The following ZNF717 variants were observed in gnomAD, a reference collection of about 807,000 sequenced individuals.
The protein encoded by ZNF717 is krueppel-like factor X17.
ZNF717 carries 9 observed loss-of-function variants against 13.8 expected under a neutral mutation model. The observed-to-expected ratio is 0.65, with a 90% CI of 0.39 to 1.14. The LOEUF is 1.14. Ranked by LOEUF, ZNF717 falls within the 50% of genes most tolerant of loss-of-function variation. The pLI is 0.01. For synonymous variants in ZNF717, 327 were observed against 364.1 expected, an observed-to-expected ratio of 0.90 and a Z score of 1.16; for missense variants, 1,040 against 1,080.7, an observed-to-expected ratio of 0.96 and a Z score of 0.53.
intron 4 of ZNF717, chr3:75,716,576 C>A (rs11128475): frequency 0.32 from 49,356 of 152,028 alleles, 9,233 homozygotes; most frequent in Non-Finnish European, 0.43. Flanking sequence ...CAGGAAAAAA[C>A]AAGCTGTGAA....
At chr3:75,700,262 C>T (rs1387312535) in intron 6 of ZNF717, among the ~76,000 whole-genome samples, 10 of 152,284 alleles carry the variant, frequency 6.6e-5, no homozygotes, top group African/African-American at 2.2e-4. Context: ...GGTGTGGTGG[C>T]GGGTGCCTGT....
At chr3:75,730,861 A>G (rs1361938527) in intron 5 of ZNF717, among the ~76,000 whole-genome samples, 2 of 152,268 alleles carry the variant, frequency 1.3e-5, no homozygotes, top group African/African-American at 2.4e-5. Flanking sequence ...CAGAGTCCTG[A>G]GGAGAAAAAT....
chr3:75,729,402 G>A (rs1475345808), downstream of ZNF717, among the ~76,000 whole-genome samples: 2 of 152,226 alleles, frequency 1.3e-5, no homozygotes, highest in Non-Finnish European at 2.9e-5. Context: ...GATCACCTGA[G>A]GTCAGGAGTT....
intron 5 of ZNF717, chr3:75,711,418 T>G (rs1296528682): frequency 1.3e-5 from 2 of 148,478 alleles, no homozygotes; most frequent in African/African-American, 5.0e-5. Context: ...TTTGTTTTGT[T>G]TAATCTTGAT....
intron 6 of ZNF717, among the ~76,000 whole-genome samples, chr3:75,703,135 T>C (rs2106816478): frequency 6.6e-6 from 1 of 152,430 alleles, no homozygotes; most frequent in African/African-American, 2.4e-5. Flanking sequence ...TTTAATCACA[T>C]GCATTCTAGA....
chr3:75,742,821 T>C (rs1425229546), intron 2 of ZNF717, among the ~76,000 whole-genome samples: 1 of 152,258 alleles, frequency 6.6e-6, no homozygotes. Context: ...TACCCCCAGA[T>C]ATCAAAATCC....
chr3:75,698,742 T>C (rs1214765189), intron 6 of ZNF717, among the ~76,000 whole-genome samples: 64 of 151,284 alleles, frequency 4.2e-4, no homozygotes, highest in African/African-American at 7.3e-4. Flanking sequence ...ACTAAAACAA[T>C]GGAGAAAAGA....
At position 75,736,862 on chromosome 3, in the gene ZNF717, G is replaced by T. The variant is rs78668294; in HGVS notation, c.*16C>A. 4.7e-6 allele frequency: 7 copies of T among 1,480,092 alleles called. No homozygotes were observed. The highest frequency in any genetic ancestry group is 2.5e-5 in the East Asian group (1 of 40,534). The allele number at this position is 1,480,092 out of a possible 1,614,324, so 91.7% of individuals were successfully genotyped here. A position where few individuals can be genotyped will look rare whatever the true frequency, so the allele number is the denominator to read the frequency against. On this transcript the variant is annotated 3_prime_UTR_variant, in exon 5 of 5. Coordinates refer to ENST00000652011, the MANE Select transcript of ZNF717 (RefSeq NM_001290208.3). ...AGAAATCTGTAATAGTAGCCAGAGAGGTGTAGGTTGTGTGTTCAAGGGAAA... is the reference window on the plus strand; with the variant it reads ...AGAAATCTGTAATAGTAGCCAGAGATGTGTAGGTTGTGTGTTCAAGGGAAA...
rs376004492 is a variant in ZNF717 at position 75,783,348 on chromosome 3, G to A, written c.15C>T (p.Phe5=). The change falls in exon 2 of 5, where the codon TTC becomes TTT. Residue 5 remains phenylalanine (F), a synonymous_variant. Transcript: ENST00000652011. MFPV[F]SGCFQELQEK... is the part of the protein sequence containing the mutation. Reference sequence around the variant, plus strand: ...CTTGTAGCTCTTGGAAACAGCCAGAGAACACTGGAAACATAGCTGAGAGAG... The same window carrying A: ...CTTGTAGCTCTTGGAAACAGCCAGAAAACACTGGAAACATAGCTGAGAGAG... 1 of 1,551,204 alleles carries A rather than the reference G, an allele frequency of 6.4e-7. No homozygotes were observed. The highest frequency in any genetic ancestry group is 8.7e-7 in the Non-Finnish European group (1 of 1,146,622).
Position 75,738,365 on chromosome 3 carries a change from C to A in ZNF717, c.1258G>T (p.Glu420Ter). ...CAATGGTCACATGCATAGGGCTTTTCCCCTGTGTGAGTTCTATGATGTATT... is the reference window on the plus strand; with the variant it reads ...CAATGGTCACATGCATAGGGCTTTTACCCTGTGTGAGTTCTATGATGTATT... ...LTIHHRTHTG[E>*]KPYACDHCEE... is the part of the protein sequence containing the mutation. Residue 420 changes from glutamate (E) to a stop codon, truncating the protein, a stop_gained, in exon 5 of 5, where the codon GAA (glutamate) becomes TAA (stop). Coordinates refer to ENST00000652011, the MANE Select transcript of ZNF717 (RefSeq NM_001290208.3). LOFTEE classifies it low-confidence loss of function (END_TRUNC). 1 of 1,541,966 alleles carries A rather than the reference C, an allele frequency of 6.5e-7. No individual in the cohort carries two copies. Among genetic ancestry groups the A allele is most frequent in the Non-Finnish European group, 8.8e-7 (1 of 1,140,388 alleles).
rs1559661667 is a variant in ZNF717, at chr3:75,765,007, A to ATGTGTGTG, written c.57+18298_57+18299insCACACACA. Among the ~76,000 whole-genome samples the ATGTGTGTG allele has an allele frequency of 3.0e-4, 8 of 26,784 alleles. 1 individual carries two copies. The highest frequency in any genetic ancestry group is 8.3e-4 in the African/African-American group (7 of 8,478). 17.6% of individuals were successfully genotyped at this position (26,784 alleles called of 152,430 possible). ...AACAAAAGGATATATATATATATAT[A>ATGTGTGTG]TATATATATATATATATATATATGT... On this transcript the variant is annotated intron_variant, in intron 2 of 4. Transcript: ENST00000652011.
At chr3:75,735,374 G>A (rs1281684875), downstream of ZNF717, among the ~76,000 whole-genome samples, 38 of 152,138 alleles carry the variant, frequency 2.5e-4, no homozygotes, top group African/African-American at 8.7e-4. Flanking sequence ...AAACAGGCCA[G>A]GTATAGTGGC....
rs1490598218 is a variant in ZNF717, at chr3:75,737,829, T to A, written c.1794A>T (p.Lys598Asn). The change falls in exon 5 of 5, where the codon AAA (lysine) becomes AAT (asparagine). Residue 598 changes from lysine to asparagine, a missense_variant. By Grantham distance (94) the Lys-to-Asn change is moderately conservative. Around this residue, in one of 3 missense-constraint regions of ZNF717, gnomAD observed 873 missense variants for 832.8 expected, o/e 1.05. Coordinates refer to ENST00000652011, the MANE Select transcript of ZNF717 (RefSeq NM_001290208.3). ...CAAGGTTTAACTTATTGATAAAGGT[T>A]TTCTCACATTCATTACATTCATAGG... ...KKPYECNECE[K>N]TFINKLNLGI... 2 of 1,551,618 alleles carry A rather than the reference T, an allele frequency of 1.3e-6. No homozygotes were observed. Among genetic ancestry groups the A allele is most frequent in the Admixed American group, 3.9e-5 (2 of 50,990 alleles).
intron 4 of ZNF717, among the ~76,000 whole-genome samples, chr3:75,718,053 T>C (rs1938093118): frequency 1.3e-5 from 2 of 152,164 alleles, no homozygotes; most frequent in African/African-American, 4.8e-5. Context: ...TAAGGATGTG[T>C]TGCCAAGTGA....
intron 4 of ZNF717, among the ~76,000 whole-genome samples, chr3:75,719,266 T>TA (rs1938123207): frequency 6.9e-6 from 1 of 145,712 alleles, no homozygotes; most frequent in South Asian, 2.2e-4. Flanking sequence ...GCCTGGGTGA[T>TA]AGAGTGTCAC....
At chr3:75,741,576 A>G (rs1433276115) in intron 3 of ZNF717, 34 bp downstream of exon 3, 1 of 1,578,178 alleles carries the variant, frequency 6.3e-7, no homozygotes, top group Admixed American at 1.9e-5. Context: ...GCAACAAAAT[A>G]CAATCCTGGG....
chr3:75,732,497 GA>G (rs1938654868), downstream of ZNF717, among the ~76,000 whole-genome samples: 2 of 152,338 alleles, frequency 1.3e-5, no homozygotes, highest in African/African-American at 4.8e-5. Context: ...TGGGACCTTT[GA>G]AAGGTAATGG....
intron 4 of ZNF717, among the ~76,000 whole-genome samples, chr3:75,739,789 G>A (rs1464434086): frequency 1.3e-5 from 2 of 152,136 alleles, no homozygotes; most frequent in Non-Finnish European, 2.9e-5. Context: ...GTAGGTATAG[G>A]AGATGGCCAT....
At chr3:75,768,609 G>A (rs1330268624) in intron 2 of ZNF717, among the ~76,000 whole-genome samples, 3 of 145,382 alleles carry the variant, frequency 2.1e-5, no homozygotes, top group African/African-American at 7.8e-5. Context: ...TGGGAGGGGG[G>A]TAGATGACAG....
Sources: gnomAD v4.1 joint callset for allele counts (sites outside exome capture counted in the v4.1 genomes callset) on GRCh38, gnomAD v4.1.1 for gene constraint, gnomAD v4.1.1 regional missense constraint, MANE v1.5 for transcripts, NCBI Gene and HGNC (gene_info 2026-07-23, HGNC 2026-07-21) for gene names.